Variants in CFAP299 observed in about 807,000 individuals in gnomAD.
The protein encoded by CFAP299 is cilia and flagella associated protein 299.
Under a neutral mutation model 27.0 loss-of-function variants are expected in CFAP299, and 21 were observed. The observed-to-expected ratio is 0.78, with a 90% CI of 0.55 to 1.12. The LOEUF is 1.12. Ranked by LOEUF, CFAP299 falls within the 50% of genes most tolerant of loss-of-function variation. The pLI is 0.00. For synonymous variants in CFAP299, 104 were observed against 98.1 expected (o/e 1.06, Z -0.36); for missense variants, 310 against 276.6 (o/e 1.12, Z -0.86).
intron 2 of CFAP299, among the ~76,000 whole-genome samples, chr4:80,470,082 T>C (rs1359937415): frequency 6.6e-6 from 1 of 152,098 alleles, no homozygotes; most frequent in East Asian, 1.9e-4. Context: ...TACCTCTCTT[T>C]TGCCTAATGA....
At chr4:80,323,760 C>T in the CFAP299 span, among the ~76,000 whole-genome samples, 14 of 152,238 alleles carry the variant, frequency 9.2e-5, no homozygotes, top group African/African-American at 3.4e-4. Context: ...TTCCAGAAAT[C>T]AGTGGGAGTT....
At chr4:80,933,524 T>A (rs1004022600) in intron 4 of CFAP299, among the ~76,000 whole-genome samples, 11 of 152,300 alleles carry the variant, frequency 7.2e-5, no homozygotes, top group African/African-American at 2.6e-4. Context: ...GTAGATTGCT[T>A]GATGTAATAT....
At chr4:80,742,462 T>A (rs985162644) in intron 3 of CFAP299, among the ~76,000 whole-genome samples, 2 of 152,150 alleles carry the variant, frequency 1.3e-5, no homozygotes, top group Non-Finnish European at 2.9e-5. Flanking sequence ...ATAAAATAAA[T>A]TCCTTGCCCT....
At chr4:80,554,306 TG>T (rs1734682233) in intron 2 of CFAP299, among the ~76,000 whole-genome samples, 1 of 152,088 alleles carries the variant, frequency 6.6e-6, no homozygotes, top group African/African-American at 2.4e-5. Context: ...CATAGGTGTG[TG>T]GTCTTATTTC....
chr4:80,503,259 T>C (rs1371630351), intron 2 of CFAP299, among the ~76,000 whole-genome samples: 1 of 152,116 alleles, frequency 6.6e-6, no homozygotes, highest in Non-Finnish European at 1.5e-5. Flanking sequence ...TCTGATCTGG[T>C]GTTTGGCACC....
chr4:80,663,312 T>C (rs1740963882), intron 3 of CFAP299, among the ~76,000 whole-genome samples: 1 of 150,176 alleles, frequency 6.7e-6, no homozygotes, highest in Non-Finnish European at 1.5e-5. Context: ...ACAGGCACAG[T>C]GTTTGATGTT....
intron 2 of CFAP299, among the ~76,000 whole-genome samples, chr4:80,417,910 A>T (rs1298579586): frequency 6.6e-6 from 1 of 152,124 alleles, no homozygotes; most frequent in Non-Finnish European, 1.5e-5. Context: ...CAGAGGAAAA[A>T]GCGACAAGGT....
intron 2 of CFAP299, among the ~76,000 whole-genome samples, chr4:80,383,628 G>A (rs1345348143): frequency 6.6e-6 from 1 of 152,156 alleles, no homozygotes; most frequent in Non-Finnish European, 1.5e-5. Flanking sequence ...TATTGTGATA[G>A]TCTTGACATT....
chr4:80,490,948 T>A (rs1731092704), intron 2 of CFAP299, among the ~76,000 whole-genome samples: 3 of 150,810 alleles, frequency 2.0e-5, no homozygotes, highest in Non-Finnish European at 4.4e-5. Flanking sequence ...GATTAATCCA[T>A]CTTACTTACC....
Position 80,731,481 on chromosome 4 carries a change from C to T in CFAP299, c.334-138512C>T, listed in dbSNP as rs144590710. Among the ~76,000 whole-genome samples the T allele has an allele frequency of 8.6e-4, 131 of 152,294 alleles. 3 individuals carry two copies. The East Asian group carries it at 0.022, about 26-fold the overall frequency. On this transcript the variant is annotated intron_variant, in intron 3 of 5. Transcript: ENST00000358105. ...AGGAGTCAAGCATTCTGGTTTCCAT[C>T]GGGCCCACTGGCCATTTCAAGCTTT...
chr4:80,453,652 C>T (rs1456952462), intron 2 of CFAP299, among the ~76,000 whole-genome samples: 1 of 151,620 alleles, frequency 6.6e-6, no homozygotes, highest in Non-Finnish European at 1.5e-5. Flanking sequence ...ACCAGCCTGG[C>T]CAACATGGTG....
chr4:80,611,840 A>G (rs963505250), intron 3 of CFAP299, among the ~76,000 whole-genome samples: 1 of 152,000 alleles, frequency 6.6e-6, no homozygotes, highest in African/African-American at 2.4e-5. Flanking sequence ...CTCAAGAATA[A>G]CTGAATTGTG....
chr4:80,891,875 G>C (rs977109107), intron 4 of CFAP299, among the ~76,000 whole-genome samples: 4 of 111,812 alleles, frequency 3.6e-5, no homozygotes, highest in Non-Finnish European at 7.9e-5. Context: ...ACAAAAAAGT[G>C]GAAAAATATT....
intron 3 of CFAP299, among the ~76,000 whole-genome samples, chr4:80,790,033 C>A (rs577442152): frequency 5.3e-4 from 80 of 152,046 alleles, no homozygotes; most frequent in African/African-American, 1.8e-3. Context: ...TCAGAATCAC[C>A]ATATTTTCAC....
At chr4:80,402,381 T>C (rs1489299229) in intron 2 of CFAP299, among the ~76,000 whole-genome samples, 1 of 152,126 alleles carries the variant, frequency 6.6e-6, no homozygotes, top group Non-Finnish European at 1.5e-5. Flanking sequence ...AATTCAATCA[T>C]GGGGGCTGGT....
intron 2 of CFAP299, among the ~76,000 whole-genome samples, chr4:80,461,558 G>C (rs932765204): frequency 2.0e-5 from 3 of 152,070 alleles, no homozygotes; most frequent in African/African-American, 7.2e-5. Context: ...GGTCATCTGC[G>C]CCTGAATTCC....
chr4:80,715,585 A>T (rs1722432292), intron 3 of CFAP299, among the ~76,000 whole-genome samples: 1 of 152,110 alleles, frequency 6.6e-6, no homozygotes. Flanking sequence ...TCAAAGAAAT[A>T]TATTCAATTT....
chr4:80,456,643 T>C (rs1003063364), intron 2 of CFAP299, among the ~76,000 whole-genome samples: 5 of 152,150 alleles, frequency 3.3e-5, no homozygotes, highest in African/African-American at 1.2e-4. Context: ...AGGATTGGAA[T>C]CTGGAGTTTG....
intron 4 of CFAP299, among the ~76,000 whole-genome samples, chr4:80,885,661 G>A (rs750114285): frequency 3.9e-5 from 6 of 152,134 alleles, no homozygotes; most frequent in Non-Finnish European, 8.8e-5. Context: ...CCCAGTCCTT[G>A]AAGGATTCAT....
Sources: allele counts gnomAD v4.1 joint callset (sites outside exome capture counted in the v4.1 genomes callset), GRCh38; gene constraint gnomAD v4.1.1; transcripts MANE v1.5; gene names NCBI Gene and HGNC (gene_info 2026-07-23, HGNC 2026-07-21).